RPH3A: variants seen among roughly 807,000 people sequenced by gnomAD.
RPH3A encodes rabphilin-3A.
In RPH3A, 48 loss-of-function variants were observed where a neutral mutation model predicts 102.2. That is an observed-to-expected ratio of 0.47 (90% CI 0.37 to 0.60). The LOEUF (loss-of-function observed/expected upper bound fraction) is 0.60. Among genes scored for constraint, RPH3A ranks in the 20% least tolerant of loss-of-function variants. The pLI is 0.00. For synonymous variants in RPH3A, 310 were observed against 324.3 expected, an observed-to-expected ratio of 0.96 and a Z score of 0.47; for missense variants, 781 against 910.1, an observed-to-expected ratio of 0.86 and a Z score of 1.83.
At chr12:112,713,029 T>TTCTTCTTCC (rs2040486005) in intron 1 of RPH3A, among the ~76,000 whole-genome samples, 2 of 69,160 alleles carry the variant, frequency 2.9e-5, no homozygotes, top group Non-Finnish European at 5.1e-5. Context: ...CTTCCTCTTC[T>TTCTTCTTCC]TCTTCTTCTT....
chr12:112,784,037 TC>T, intron 1 of RPH3A, among the ~76,000 whole-genome samples: 1 of 152,242 alleles, frequency 6.6e-6, no homozygotes, highest in South Asian at 2.1e-4. Context: ...TCTCTTGACT[TC>T]CCCATCTCCA....
intron 1 of RPH3A, among the ~76,000 whole-genome samples, chr12:112,644,189 T>C (rs1029581563): frequency 2.0e-5 from 3 of 151,994 alleles, no homozygotes; most frequent in Non-Finnish European, 4.4e-5. Flanking sequence ...GATTACCTAA[T>C]GGTACAATGT....
chr12:112,755,298 T>TATAC (rs1489083022), intron 1 of RPH3A, among the ~76,000 whole-genome samples: 11,175 of 145,586 alleles, frequency 0.077, 421 homozygotes, highest in Non-Finnish European at 0.1. Context: ...TATATGTATA[T>TATAC]ACACACACAC....
intron 2 of RPH3A, among the ~76,000 whole-genome samples, chr12:112,814,176 GC>G (rs2041631731): frequency 6.6e-6 from 1 of 151,802 alleles, no homozygotes; most frequent in African/African-American, 2.4e-5. Flanking sequence ...GATAAGAAGA[GC>G]CCTTTCCTGG....
At chr12:112,885,177 G>A (rs2042984304) in intron 16 of RPH3A, among the ~76,000 whole-genome samples, 2 of 152,234 alleles carry the variant, frequency 1.3e-5, no homozygotes, top group African/African-American at 2.4e-5. Context: ...GAACATTCTA[G>A]TAGCTGTTTC....
intron 1 of RPH3A, among the ~76,000 whole-genome samples, chr12:112,731,715 G>A (rs956989526): frequency 1.3e-5 from 2 of 152,158 alleles, no homozygotes; most frequent in African/African-American, 4.8e-5. Context: ...AACCCATTTG[G>A]GGGATTTTTC....
At chr12:112,650,335 A>G (rs901908755) in intron 1 of RPH3A, among the ~76,000 whole-genome samples, 8 of 152,238 alleles carry the variant, frequency 5.3e-5, no homozygotes, top group Non-Finnish European at 1.2e-4. Context: ...GGCCTCCCTG[A>G]TGTCAGGGCC....
chr12:112,724,966 T>TA (rs1195524780), intron 1 of RPH3A, among the ~76,000 whole-genome samples: 66 of 134,224 alleles, frequency 4.9e-4, no homozygotes, highest in Admixed American at 6.1e-4. Flanking sequence ...AGACTCTGCC[T>TA]AAAAAAAAAA....
chr12:112,875,044 T>C (rs751486032), intron 10 of RPH3A, 40 bp from the exon 11 acceptor site: 3 of 1,522,640 alleles, frequency 2.0e-6, no homozygotes, highest in Non-Finnish European at 2.7e-6. Context: ...TGTGTGTGTG[T>C]GTGACACATA....
intron 2 of RPH3A, among the ~76,000 whole-genome samples, chr12:112,795,026 C>T (rs529698296): frequency 2.0e-5 from 3 of 152,324 alleles, no homozygotes; most frequent in East Asian, 3.9e-4. Flanking sequence ...AAAGTCAGTG[C>T]CCCCAGCCTA....
chr12:112,653,048 G>A (rs945285318), intron 1 of RPH3A, among the ~76,000 whole-genome samples: 3 of 152,096 alleles, frequency 2.0e-5, no homozygotes, highest in African/African-American at 7.2e-5. Context: ...AAGTATTTGT[G>A]TATCTAAACA....
At position 112,809,018 on chromosome 12, in the gene RPH3A, C is replaced by T. The variant is rs994010388; in HGVS notation, c.-19+16755C>T. Among the ~76,000 whole-genome samples, 8 of 152,284 alleles carry T rather than the reference C, an allele frequency of 5.3e-5. No individual in the cohort carries two copies. The South Asian group carries it at 1.0e-3, about 20-fold the overall frequency. ...GGTTTGGATGGGGTCCTTGCATTGA[C>T]GTTTTAACCCTGCCTCCAAGGTGAT... On this transcript the variant is annotated intron_variant, in intron 2 of 21. Transcript: ENST00000389385.
In RPH3A at chr12:112,835,776, T is replaced by A. The variant is rs547952029; in HGVS notation, c.72-715T>A. ...TTTCAAATGTCTTTCTCTCTCACCC[T>A]CCTTAAATTTAATGATCATGTTTGA... is the stretch of plus-strand genomic sequence containing the variant. On this transcript the variant is annotated intron_variant, in intron 3 of 21. Coordinates refer to ENST00000389385, the MANE Select transcript of RPH3A (RefSeq NM_001143854.2). Among the ~76,000 whole-genome samples, 3 of 152,322 alleles carry A rather than the reference T, an allele frequency of 2.0e-5. No individual in the cohort carries two copies. In the East Asian group the frequency reaches 5.8e-4, roughly 29 times the overall value.
chr12:112,870,010 G>A lies in RPH3A; in HGVS notation c.767G>A (p.Gly256Asp). The A allele has an allele frequency of 6.2e-7, 1 of 1,614,052 alleles. No individual in the cohort carries two copies. Among genetic ancestry groups the A allele is most frequent in the South Asian group, 1.1e-5 (1 of 91,070 alleles). The change falls in exon 10 of 22, where the codon GGT (glycine) becomes GAT (aspartate). Residue 256 changes from glycine (G) to aspartate (D), a missense_variant. Around this residue, in one of 2 missense-constraint regions of RPH3A, gnomAD observed 730 missense variants for 810.0 expected, o/e 0.90. Coordinates refer to ENST00000389385, the MANE Select transcript of RPH3A (RefSeq NM_001143854.2). ...RDSESWDHSG[G>D]AGDSSRSPAG... ...TCAGAGAGCTGGGACCACAGTGGGG[G>A]TGCTGGAGACTCCAGCCGGAGCCCA...
chr12:112,676,727 G>A (rs747428309), intron 1 of RPH3A, among the ~76,000 whole-genome samples: 7 of 152,174 alleles, frequency 4.6e-5, no homozygotes, highest in Non-Finnish European at 5.9e-5. Flanking sequence ...TGCCAGGCCC[G>A]TCTCCCTCTT....
chr12:112,580,744 G>A (rs2039395263), intron 1 of RPH3A, among the ~76,000 whole-genome samples: 6 of 152,226 alleles, frequency 3.9e-5, no homozygotes, highest in Middle Eastern at 6.8e-3. Context: ...GGGCGGGGGC[G>A]AGGTGGGGAA....
intron 1 of RPH3A, among the ~76,000 whole-genome samples, chr12:112,632,028 G>A (rs2039810337): frequency 1.3e-5 from 2 of 152,182 alleles, no homozygotes; most frequent in South Asian, 4.1e-4. Context: ...CCTGGTGGGA[G>A]ATGATTGAAT....
chr12:112,784,993 C>T (rs11616116), intron 1 of RPH3A, among the ~76,000 whole-genome samples: 4,082 of 152,214 alleles, frequency 0.027, 71 homozygotes, highest in Middle Eastern at 0.031. Flanking sequence ...GAGGCAGAGG[C>T]GGGTGGATCA....
At chr12:112,751,883 G>A (rs968230646) in intron 1 of RPH3A, among the ~76,000 whole-genome samples, 2 of 152,092 alleles carry the variant, frequency 1.3e-5, no homozygotes, top group African/African-American at 4.8e-5. Flanking sequence ...TTAATAACAG[G>A]GGTTATTAAA....
Sources: gnomAD v4.1 joint callset for allele counts (sites outside exome capture counted in the v4.1 genomes callset) on GRCh38, gnomAD v4.1.1 for gene constraint, gnomAD v4.1.1 regional missense constraint, MANE v1.5 for transcripts, NCBI Gene and HGNC (gene_info 2026-07-23, HGNC 2026-07-21) for gene names.